Variants in APBA2 observed in about 807,000 individuals in gnomAD.
The protein encoded by APBA2 is amyloid-beta A4 precursor protein-binding family A member 2.
In APBA2, 30 loss-of-function variants were observed where a neutral mutation model predicts 75.0. The ratio of observed to expected loss-of-function variants is 0.40; its 90% CI spans 0.30 to 0.54. The LOEUF (loss-of-function observed/expected upper bound fraction) is 0.54, where lower values mean the gene tolerates loss of function less well. Among genes scored for constraint, APBA2 ranks in the 20% least tolerant of loss-of-function variants. APBA2 has a pLI of 0.49. For missense variants in APBA2, 801 were observed against 1,016.1 expected (o/e 0.79, Z 2.88); for synonymous variants, 444 against 409.6 (o/e 1.08, Z -1.01).
intron 2 of APBA2, among the ~76,000 whole-genome samples, chr15:28,958,842 C>T (rs1251029576): frequency 1.3e-5 from 2 of 151,138 alleles, no homozygotes; most frequent in Non-Finnish European, 2.9e-5. Flanking sequence ...TGCAGAAATG[C>T]CTTTTTAATA....
At chr15:28,908,875 C>T (rs180675535) in intron 1 of APBA2, among the ~76,000 whole-genome samples, 2 of 152,228 alleles carry the variant, frequency 1.3e-5, no homozygotes, top group East Asian at 3.9e-4. Context: ...CAACCATCAC[C>T]GTCATCCATC....
intron 1 of APBA2, among the ~76,000 whole-genome samples, chr15:28,902,962 G>A (rs184174562): frequency 7.9e-5 from 12 of 152,250 alleles, no homozygotes; most frequent in East Asian, 1.9e-4. Context: ...GAAAATGACC[G>A]GTTTCTCAGA....
intron 2 of APBA2, among the ~76,000 whole-genome samples, chr15:28,943,234 C>G (rs931541186): frequency 6.6e-6 from 1 of 152,170 alleles, no homozygotes; most frequent in African/African-American, 2.4e-5. Context: ...TGCCCTGGGA[C>G]ACCGGTTCTG....
chr15:29,117,008 T>C (rs2045220949), intron 14 of APBA2, 54 bp from the exon 15 acceptor site: 1 of 1,560,636 alleles, frequency 6.4e-7, no homozygotes, highest in African/African-American at 1.4e-5. Context: ...TTTCACCTGA[T>C]TGTGGGAGGG....
chr15:29,115,769 A>G (rs979261286), intron 14 of APBA2, among the ~76,000 whole-genome samples: 1 of 152,182 alleles, frequency 6.6e-6, no homozygotes, highest in African/African-American at 2.4e-5. Context: ...GAGCAGGAGC[A>G]GCGGAAACCT....
intron 1 of APBA2, chr15:28,895,375 AAG>A (rs1442419313): frequency 6.6e-6 from 1 of 152,342 alleles, no homozygotes; most frequent in African/African-American, 2.4e-5. Flanking sequence ...GGGCTTGGGA[AAG>A]AGAGCGGGAG....
At position 28,929,357 on chromosome 15, in the gene APBA2, G is replaced by A. The variant is rs528314935; in HGVS notation, c.-95+7608G>A. Among the ~76,000 whole-genome samples, 6 of 152,302 alleles carry A rather than the reference G, an allele frequency of 3.9e-5. No individual in the cohort carries two copies. The South Asian group carries it at 8.3e-4, about 21-fold the overall frequency. On this transcript the variant is annotated intron_variant, in intron 2 of 14. Transcript: ENST00000683413. ...CCTGGCTATGGGTGGCTGCTAATCCGTAGGATTTCTCGTGCCTTGTGGTTT... is the reference window on the plus strand; with the variant it reads ...CCTGGCTATGGGTGGCTGCTAATCCATAGGATTTCTCGTGCCTTGTGGTTT...
chr15:28,977,638 TG>T (rs2037407643), intron 2 of APBA2, among the ~76,000 whole-genome samples: 1 of 152,184 alleles, frequency 6.6e-6, no homozygotes, highest in Non-Finnish European at 1.5e-5. Flanking sequence ...CCAGTTCCTC[TG>T]GGTGACCTCT....
At chr15:29,111,270 GT>G (rs1293624526) in intron 13 of APBA2, among the ~76,000 whole-genome samples, 1 of 152,078 alleles carries the variant, frequency 6.6e-6, no homozygotes, top group Non-Finnish European at 1.5e-5. Flanking sequence ...GGGTCTGGAG[GT>G]CCCAGCCCTG....
intron 6 of APBA2, among the ~76,000 whole-genome samples, chr15:29,078,439 T>C (rs1048212358): frequency 1.6e-4 from 24 of 151,766 alleles, no homozygotes; most frequent in African/African-American, 5.8e-4. Context: ...GGTGAAACCC[T>C]GTCTCTACTA....
intron 4 of APBA2, among the ~76,000 whole-genome samples, chr15:29,057,672 T>C (rs1378638429): frequency 1.2e-4 from 19 of 152,250 alleles, no homozygotes. Flanking sequence ...TGATTATTTG[T>C]AGTGACCTTT....
chr15:29,074,626 C>T (rs1448354556), intron 4 of APBA2, among the ~76,000 whole-genome samples: 1 of 152,102 alleles, frequency 6.6e-6, no homozygotes, highest in Non-Finnish European at 1.5e-5. Context: ...CTTAGTGCCA[C>T]TGAACTGTAC....
intron 4 of APBA2, chr15:29,070,851 C>A (rs1451047588): frequency 3.1e-6 from 1 of 326,648 alleles, no homozygotes; most frequent in Admixed American, 4.4e-5. Context: ...GGATGATCGC[C>A]TCTTTTGAAA....
chr15:29,030,871 ATC>A (rs554079001), intron 3 of APBA2, among the ~76,000 whole-genome samples: 1 of 151,746 alleles, frequency 6.6e-6, no homozygotes, highest in Admixed American at 6.6e-5. Flanking sequence ...TTTGATTTTA[ATC>A]TCTCAATATG....
chr15:29,117,201 C>T lies in APBA2; in HGVS notation c.*68C>T. 1.3e-6 allele frequency: 2 copies of T among 1,506,350 alleles called. No individual in the cohort carries two copies. The highest frequency in any genetic ancestry group is 9.2e-7 in the Non-Finnish European group (1 of 1,085,192). The allele number at this position is 1,506,350 out of a possible 1,614,324, so 93.3% of individuals were successfully genotyped here. A position where few individuals can be genotyped will look rare whatever the true frequency, so the allele number is the denominator to read the frequency against. ...CGCCCGGGCCCAGAGGAGCTGGGAG[C>T]CGGGCCGCAGACTTGACCCCGACGC... On this transcript the variant is annotated 3_prime_UTR_variant, in exon 15 of 15. Coordinates refer to ENST00000683413, the MANE Select transcript of APBA2 (RefSeq NM_001353788.2).
In APBA2 at chr15:29,074,955, A is replaced by G. The variant is rs1379756384; in HGVS notation, c.986A>G (p.Gln329Arg). Residue 329 changes from glutamine to arginine, a missense_variant, in exon 5 of 15, where the codon CAG becomes CGG. Coordinates refer to ENST00000683413, the MANE Select transcript of APBA2 (RefSeq NM_001353788.2). ...CNGLEQPRKQ[Q>R]RSDLNGPVDN... ...GGTCTGGAGCAGCCAAGGAAGCAGC[A>G]GCGCTCTGATCTCAATGGACCTGTT... 1 of 1,614,168 alleles carries G rather than the reference A, an allele frequency of 6.2e-7. No individual in the cohort carries two copies. The highest frequency in any genetic ancestry group is 8.5e-7 in the Non-Finnish European group (1 of 1,180,014).
chr15:29,032,165 T>C lies in APBA2; in HGVS notation c.-40-21680T>C, dbSNP rs1039236085. Reference sequence around the variant, plus strand: ...GGTGTGTGTCAAAGAGGCAGAGTCATTCCTGTGTAGTCATGATGGTTAGTT... The same window carrying C: ...GGTGTGTGTCAAAGAGGCAGAGTCACTCCTGTGTAGTCATGATGGTTAGTT... On this transcript the variant is annotated intron_variant, in intron 3 of 14. Coordinates refer to ENST00000683413, the MANE Select transcript of APBA2 (RefSeq NM_001353788.2). Among the ~76,000 whole-genome samples the C allele has an allele frequency of 3.3e-5, 5 of 152,248 alleles. No individual in the cohort carries two copies. The East Asian group carries it at 9.6e-4, about 29-fold the overall frequency.
intron 2 of APBA2, among the ~76,000 whole-genome samples, chr15:28,952,039 C>T (rs534078423): frequency 7.3e-4 from 111 of 152,134 alleles, no homozygotes; most frequent in African/African-American, 2.6e-3. Flanking sequence ...TAGGCATGCA[C>T]CACCACGCCT....
chr15:28,932,972 G>C (rs2034642357), intron 2 of APBA2, among the ~76,000 whole-genome samples: 1 of 152,122 alleles, frequency 6.6e-6, no homozygotes, highest in Non-Finnish European at 1.5e-5. Flanking sequence ...GAAGTCCAAG[G>C]TTGAGGGTTG....
Sources: gnomAD v4.1 joint callset for allele counts (sites outside exome capture counted in the v4.1 genomes callset) on GRCh38, gnomAD v4.1.1 for gene constraint, MANE v1.5 for transcripts, NCBI Gene and HGNC (gene_info 2026-07-23, HGNC 2026-07-21) for gene names.